Variants in MCCC2 observed in about 807,000 individuals in gnomAD.
MCCC2 encodes methylcrotonoyl-CoA carboxylase beta chain, mitochondrial.
MCCC2 carries 52 observed loss-of-function variants against 77.2 expected under a neutral mutation model. The observed-to-expected ratio is 0.67, with a 90% CI of 0.54 to 0.85. The LOEUF (loss-of-function observed/expected upper bound fraction) is 0.85, where lower values mean the gene tolerates loss of function less well. Among genes scored for constraint, MCCC2 ranks in the 40% least tolerant of loss-of-function variants. The pLI is 0.00. For missense variants in MCCC2, 682 were observed against 703.2 expected (o/e 0.97, Z 0.34); for synonymous variants, 253 against 248.4 (o/e 1.02, Z -0.18).
intron 7 of MCCC2, among the ~76,000 whole-genome samples, chr5:71,627,900 G>C (rs543117682): frequency 6.1e-4 from 93 of 152,086 alleles, no homozygotes; most frequent in African/African-American, 2.2e-3. Flanking sequence ...CTGGAGTGCA[G>C]TGGTGTGATC....
chr5:71,621,349 TAAAA>T (rs890845198), intron 6 of MCCC2, among the ~76,000 whole-genome samples: 1 of 151,724 alleles, frequency 6.6e-6, no homozygotes, highest in Non-Finnish European at 1.5e-5. Flanking sequence ...AAAATAAAAA[TAAAA>T]AAGAAAGCAG....
chr5:71,614,588 A>G (rs1334326895), intron 6 of MCCC2, among the ~76,000 whole-genome samples: 1 of 149,692 alleles, frequency 6.7e-6, no homozygotes, highest in African/African-American at 2.5e-5. Context: ...GGCTCAAGGG[A>G]TTCTTCTGCC....
rs1436552003 is a variant in MCCC2, at chr5:71,657,255, G to C, written c.*395G>C. On this transcript the variant is annotated 3_prime_UTR_variant, in exon 17 of 17. Coordinates refer to ENST00000340941, the MANE Select transcript of MCCC2 (RefSeq NM_022132.5). ...GTTATGCTTGGTGATATTTTAGCGGGCTTATTTTTGAAAGGCATCTGTTAC... is the reference window on the plus strand; with the variant it reads ...GTTATGCTTGGTGATATTTTAGCGGCCTTATTTTTGAAAGGCATCTGTTAC... 1 of 227,640 alleles carries C rather than the reference G, an allele frequency of 4.4e-6. No individual in the cohort carries two copies. Among genetic ancestry groups the C allele is most frequent in the Non-Finnish European group, 8.8e-6 (1 of 113,664 alleles). 14.1% of individuals were successfully genotyped at this position (227,640 alleles called of 1,614,324 possible).
chr5:71,633,127 A>ATTTTT lies in MCCC2; in HGVS notation c.803+943_803+944insTTTTT, dbSNP rs1440841730. Among the ~76,000 whole-genome samples, 21 of 63,760 alleles carry ATTTTT rather than the reference A, an allele frequency of 3.3e-4. 1 individual carries two copies. The highest frequency in any genetic ancestry group is 1.6e-3 in the Admixed American group (7 of 4,290). 41.8% of individuals were successfully genotyped at this position (63,760 alleles called of 152,430 possible). ...TATATATATATATATATATATATAT[A>ATTTTT]TATATTTTTATTTTTTGTAGAAACA... is the stretch of plus-strand genomic sequence containing the variant. On this transcript the variant is annotated intron_variant, in intron 8 of 16. Coordinates refer to ENST00000340941, the MANE Select transcript of MCCC2 (RefSeq NM_022132.5).
At chr5:71,603,415 CAAAAAAAAAAAAA>C (rs10538231) in intron 5 of MCCC2, among the ~76,000 whole-genome samples, 1 of 74,234 alleles carries the variant, frequency 1.3e-5, no homozygotes, top group African/African-American at 5.5e-5. Flanking sequence ...GAGACTGTCT[CAAAAAAAAAAAAA>C]AAAAAAAAAA....
At chr5:71,625,685 T>C (rs993134041) in intron 6 of MCCC2, among the ~76,000 whole-genome samples, 1 of 152,218 alleles carries the variant, frequency 6.6e-6, no homozygotes, top group African/African-American at 2.4e-5. Context: ...CAAATAAATG[T>C]TGAAGCCACT....
intron 7 of MCCC2, among the ~76,000 whole-genome samples, chr5:71,630,915 A>G (rs907254883): frequency 5.9e-5 from 9 of 152,206 alleles, no homozygotes; most frequent in Non-Finnish European, 1.2e-4. Context: ...CTTCAAAGAA[A>G]TAGGAATCAA....
intron 6 of MCCC2, among the ~76,000 whole-genome samples, chr5:71,622,766 A>C (rs1223280695): frequency 6.6e-6 from 1 of 152,218 alleles, no homozygotes; most frequent in Non-Finnish European, 1.5e-5. Flanking sequence ...TAGCCTCCTG[A>C]GTAGCTGGGA....
chr5:71,650,525 C>T (rs888014809), intron 15 of MCCC2, among the ~76,000 whole-genome samples: 10 of 151,990 alleles, frequency 6.6e-5, no homozygotes, highest in East Asian at 1.9e-4. Flanking sequence ...AGTGGAGTGC[C>T]GCAATCTCGG....
At chr5:71,655,913 T>C (rs1055583539) in intron 16 of MCCC2, among the ~76,000 whole-genome samples, 7 of 152,188 alleles carry the variant, frequency 4.6e-5, no homozygotes, top group Admixed American at 2.0e-4. Flanking sequence ...TCTATTTTAT[T>C]AATAAAATGT....
At chr5:71,596,132 A>G (rs1320464401) in intron 2 of MCCC2, 148 bp from the exon 3 acceptor site, 5 of 730,610 alleles carry the variant, frequency 6.8e-6, no homozygotes, top group Middle Eastern at 2.5e-4. Context: ...GCAACTTGTA[A>G]GTTGAGTGAA....
At chr5:71,614,037 C>CACACACACACAA (rs1746066926) in intron 6 of MCCC2, among the ~76,000 whole-genome samples, 2 of 151,416 alleles carry the variant, frequency 1.3e-5, no homozygotes, top group African/African-American at 4.9e-5. Context: ...AATACACACA[C>CACACACACACAA]ACACACACAC....
At chr5:71,629,463 C>G (rs562074771) in intron 7 of MCCC2, among the ~76,000 whole-genome samples, 1 of 152,148 alleles carries the variant, frequency 6.6e-6, no homozygotes, top group South Asian at 2.1e-4. Context: ...GAATTGTATG[C>G]TTTAAAATAG....
intron 2 of MCCC2, among the ~76,000 whole-genome samples, chr5:71,595,188 C>A (rs910199696): frequency 1.3e-5 from 2 of 152,146 alleles, no homozygotes; most frequent in African/African-American, 4.8e-5. Flanking sequence ...GCATGACCCA[C>A]CTGTCACTTT....
chr5:71,631,813 T>TA (rs1341848325), intron 7 of MCCC2, among the ~76,000 whole-genome samples: 2 of 152,168 alleles, frequency 1.3e-5, no homozygotes, highest in African/African-American at 4.8e-5. Context: ...GTGCTGGGAT[T>TA]ACAGGCGTGA....
At chr5:71,650,371 T>C (rs990042083) in intron 15 of MCCC2, among the ~76,000 whole-genome samples, 188 bp downstream of exon 15, 1 of 152,234 alleles carries the variant, frequency 6.6e-6, no homozygotes, top group African/African-American at 2.4e-5. Context: ...CTGTCCTTTA[T>C]CTTTTTAAAG....
intron 8 of MCCC2, among the ~76,000 whole-genome samples, chr5:71,634,290 T>G (rs564136919): frequency 6.6e-6 from 1 of 152,346 alleles, no homozygotes; most frequent in South Asian, 2.1e-4. Flanking sequence ...TCACTGCACT[T>G]GAAATTGAAC....
chr5:71,600,336 G>GT (rs902273719), intron 4 of MCCC2, among the ~76,000 whole-genome samples: 3 of 151,156 alleles, frequency 2.0e-5, no homozygotes, highest in Admixed American at 6.6e-5. Flanking sequence ...TTCCTTTTTT[G>GT]TTTTTTTTAG....
At chr5:71,598,621 T>C (rs1035911796) in intron 3 of MCCC2, among the ~76,000 whole-genome samples, 6 of 147,842 alleles carry the variant, frequency 4.1e-5, no homozygotes, top group African/African-American at 1.5e-4. Flanking sequence ...TTTTTTTTTT[T>C]TTTTTTGTAT....
Sources: allele counts gnomAD v4.1 joint callset (sites outside exome capture counted in the v4.1 genomes callset), GRCh38; gene constraint gnomAD v4.1.1; transcripts MANE v1.5; gene names NCBI Gene and HGNC (gene_info 2026-07-23, HGNC 2026-07-21).